TPH2: variants seen among roughly 807,000 people sequenced by gnomAD.
TPH2 encodes the protein tryptophan 5-hydroxylase 2.
Under a neutral mutation model 59.1 loss-of-function variants are expected in TPH2, and 27 were observed. That is an observed-to-expected ratio of 0.46 (90% CI 0.34 to 0.63). TPH2 has a LOEUF of 0.63. Among genes scored for constraint, TPH2 ranks in the 30% least tolerant of loss-of-function variants. TPH2 has a pLI of 0.01. For missense variants in TPH2, 523 were observed against 588.3 expected, an observed-to-expected ratio of 0.89 and a Z score of 1.15; for synonymous variants, 220 against 210.5, an observed-to-expected ratio of 1.05 and a Z score of -0.39.
intron 8 of TPH2, among the ~76,000 whole-genome samples, chr12:72,017,120 A>G (rs980192564): frequency 2.6e-5 from 4 of 152,186 alleles, no homozygotes; most frequent in Non-Finnish European, 2.9e-5. Flanking sequence ...TTTATAAATC[A>G]CCAGGTGGCA....
intron 7 of TPH2, among the ~76,000 whole-genome samples, chr12:71,979,460 A>C (rs1271589545): frequency 3.9e-5 from 6 of 152,218 alleles, no homozygotes; most frequent in Admixed American, 3.9e-4. Context: ...AGGTTCATGT[A>C]CACACACCAT....
intron 7 of TPH2, among the ~76,000 whole-genome samples, chr12:71,983,775 CAGAG>C (rs1324866051): frequency 3.4e-5 from 5 of 147,764 alleles, no homozygotes; most frequent in Admixed American, 1.4e-4. Flanking sequence ...CAGACACACA[CAGAG>C]AGAGAGAGAC....
chr12:71,939,115 A>G, intron 1 of TPH2, 24 bp downstream of exon 1: 1 of 1,572,120 alleles, frequency 6.4e-7, no homozygotes, highest in Non-Finnish European at 8.7e-7. Context: ...ACCTGGCACT[A>G]TGGAGAATTA....
rs889523063 is a variant in TPH2, at chr12:71,951,118, C to G, written c.608+1463C>G. On this transcript the variant is annotated intron_variant, in intron 5 of 10. Coordinates refer to ENST00000333850, the MANE Select transcript of TPH2 (RefSeq NM_173353.4). The stretch of plus-strand genomic sequence containing the variant: ...CTTGCAATGTCAGCATGCACTTGCC[C>G]TAGCCCAAGCCCAACCTCAGGCCCC... 3.9e-5 allele frequency among the ~76,000 whole-genome samples: 6 copies of G among 152,250 alleles called. No individual in the cohort carries two copies. The South Asian group carries it at 1.2e-3, about 32-fold the overall frequency.
intron 8 of TPH2, among the ~76,000 whole-genome samples, chr12:71,996,606 C>T (rs549798651): frequency 6.6e-6 from 1 of 152,252 alleles, no homozygotes; most frequent in Non-Finnish European, 1.5e-5. Flanking sequence ...ATATCGCTCA[C>T]TTGTCTGACC....
At chr12:71,976,391 CA>C (rs2139206576) in intron 6 of TPH2, among the ~76,000 whole-genome samples, 1 of 152,260 alleles carries the variant, frequency 6.6e-6, no homozygotes, top group South Asian at 2.1e-4. Flanking sequence ...TATATCATTT[CA>C]TTGACTCACT....
In TPH2 at chr12:71,944,429, A is replaced by G. The variant is rs773008990; in HGVS notation, c.391A>G (p.Thr131Ala). The G allele has an allele frequency of 2.5e-6, 4 of 1,613,892 alleles. No individual in the cohort carries two copies. The South Asian group carries it at 3.3e-5, about 13-fold the overall frequency. The change falls in exon 3 of 11, where the codon ACT becomes GCT. Residue 131 changes from threonine (T) to alanine (A), a missense_variant. By Grantham distance (58) the Thr-to-Ala change is moderately conservative. Transcript: ENST00000333850. The stretch of plus-strand genomic sequence containing the variant: ...CATTCAGTTGCTGAAATTTCAAACC[A>G]CTATTGTGACGCTGAATCCTCCAGA... ...ELIQLLKFQT[T>A]IVTLNPPENI...
At chr12:71,959,212 G>A (rs1029538460) in intron 5 of TPH2, among the ~76,000 whole-genome samples, 17 of 152,114 alleles carry the variant, frequency 1.1e-4, no homozygotes, top group African/African-American at 4.1e-4. Context: ...ATGTACCTTG[G>A]AATGAACATA....
chr12:71,956,434 CCCTT>C (rs1871500051), intron 5 of TPH2, among the ~76,000 whole-genome samples: 1 of 144,704 alleles, frequency 6.9e-6, no homozygotes, highest in African/African-American at 2.6e-5. Context: ...CTCCCTCCCT[CCCTT>C]CCTCCCTTCC....
intron 8 of TPH2, among the ~76,000 whole-genome samples, chr12:72,009,025 C>T (rs1458690945): frequency 6.6e-6 from 1 of 152,132 alleles, no homozygotes; most frequent in Non-Finnish European, 1.5e-5. Flanking sequence ...GAGGATATCA[C>T]ATGACATCCA....
intron 7 of TPH2, among the ~76,000 whole-genome samples, chr12:71,986,894 A>G (rs1872452587): frequency 6.6e-6 from 1 of 152,180 alleles, no homozygotes; most frequent in African/African-American, 2.4e-5. Context: ...GCAAGTTCAG[A>G]AGAAGAAATC....
Position 71,974,739 on chromosome 12 carries a change from T to C in TPH2, c.805+2024T>C, listed in dbSNP as rs138501497. On this transcript the variant is annotated intron_variant, in intron 6 of 10. Transcript: ENST00000333850. The stretch of plus-strand genomic sequence containing the variant: ...TATTGCCACTTATGGCTTCATGACA[T>C]GTGGTAAATCTGTCCTTTTCCTTTC... 5.9e-3 allele frequency among the ~76,000 whole-genome samples: 898 copies of C among 152,318 alleles called. 13 individuals are homozygous for C. Among genetic ancestry groups the C allele is most frequent in the African/African-American group, 0.02 (828 of 41,562 alleles).
intron 8 of TPH2, among the ~76,000 whole-genome samples, chr12:72,014,055 A>G (rs12812037): frequency 6.6e-6 from 1 of 152,154 alleles, no homozygotes; most frequent in Non-Finnish European, 1.5e-5. Context: ...CGTGAAAGGC[A>G]TTTGGACCAG....
intron 5 of TPH2, among the ~76,000 whole-genome samples, chr12:71,968,473 G>A (rs908474057): frequency 6.6e-6 from 1 of 152,190 alleles, no homozygotes; most frequent in Admixed American, 6.5e-5. Flanking sequence ...GAGGACGTAT[G>A]TCCAGGCTCC....
Position 71,938,929 on chromosome 12 carries a change from G to A in TPH2, c.-58G>A. The A allele has an allele frequency of 7.0e-7, 1 of 1,431,140 alleles. No individual in the cohort carries two copies. The highest frequency in any genetic ancestry group is 9.8e-7 in the Non-Finnish European group (1 of 1,015,772). The allele number at this position is 1,431,140 out of a possible 1,614,324, so 88.7% of individuals were successfully genotyped here. The stretch of plus-strand genomic sequence containing the variant: ...CCCCTTCCTCTCAATCTCCGCCAGC[G>A]CTGCTACTGCCCCTCTAGTACCCCC... On this transcript the variant is annotated 5_prime_UTR_variant, in exon 1 of 11. Coordinates refer to ENST00000333850, the MANE Select transcript of TPH2 (RefSeq NM_173353.4).
At position 71,944,307 on chromosome 12, in the gene TPH2, A is replaced by G. The variant is rs1392687685; in HGVS notation, c.269A>G (p.Asn90Ser). The G allele has an allele frequency of 1.2e-6, 2 of 1,613,662 alleles. No homozygotes were observed. The highest frequency in any genetic ancestry group is 1.7e-5 in the Admixed American group (1 of 59,956). ...GTGTTTCCACAGGAAAAACGTGTCA[A>G]CATGGTTCATATTGAATCCAGGAAA... ...ALRLFQEKRV[N>S]MVHIESRKSR... The change falls in exon 3 of 11, where the codon AAC becomes AGC. Residue 90 changes from asparagine (N) to serine (S), a missense_variant. Asn to Ser is a conservative substitution (Grantham distance 46). Coordinates refer to ENST00000333850, the MANE Select transcript of TPH2 (RefSeq NM_173353.4).
chr12:72,005,254 T>A (rs578000897), intron 8 of TPH2, among the ~76,000 whole-genome samples: 2 of 152,192 alleles, frequency 1.3e-5, no homozygotes, highest in African/African-American at 2.4e-5. Flanking sequence ...AAGTCTGTCC[T>A]TTAGAACGTC....
In TPH2 at chr12:71,957,587, C is replaced by A. The variant is rs575976642; in HGVS notation, c.608+7932C>A. Among the ~76,000 whole-genome samples, 46 of 152,074 alleles carry A rather than the reference C, an allele frequency of 3.0e-4. 1 individual carries two copies. The South Asian group carries it at 3.7e-3, about 12-fold the overall frequency. ...CTGGCCTCAAACAATCCTCCTGCCT[C>A]GGCCTCCCAAAGTGATGGGATTATA... On this transcript the variant is annotated intron_variant, in intron 5 of 10. Coordinates refer to ENST00000333850, the MANE Select transcript of TPH2 (RefSeq NM_173353.4).
At chr12:71,981,758 T>G (rs945920991) in intron 7 of TPH2, among the ~76,000 whole-genome samples, 1 of 151,598 alleles carries the variant, frequency 6.6e-6, no homozygotes, top group South Asian at 2.1e-4. Context: ...AGGATTTGGG[T>G]TTGGGGTATT....
Sources: allele counts gnomAD v4.1 joint callset (sites outside exome capture counted in the v4.1 genomes callset), GRCh38; gene constraint gnomAD v4.1.1; transcripts MANE v1.5; gene names NCBI Gene and HGNC (gene_info 2026-07-23, HGNC 2026-07-21).